The following UXS1 variants were observed in gnomAD, a reference collection of about 807,000 sequenced individuals.
The protein encoded by UXS1 is UDP-glucuronic acid decarboxylase 1.
A neutral mutation model predicts 62.6 loss-of-function variants in UXS1; 33 were observed. The ratio of observed to expected loss-of-function variants is 0.53; its 90% CI spans 0.40 to 0.70. UXS1 has a LOEUF of 0.70. Among genes scored for constraint, UXS1 ranks in the 30% least tolerant of loss-of-function variants. UXS1 has a pLI of 0.00. For missense variants in UXS1, 434 were observed against 556.3 expected, an observed-to-expected ratio of 0.78 and a Z score of 2.21; for synonymous variants, 213 against 206.8, an observed-to-expected ratio of 1.03 and a Z score of -0.26.
intron 2 of UXS1, 108 bp from the exon 3 acceptor site, chr2:106,164,907 G>T: frequency 1.3e-6 from 1 of 753,200 alleles, no homozygotes. Context: ...TCCTGCTCAA[G>T]TATCAGTCAT....
chr2:106,124,406 G>C (rs1298411203), intron 8 of UXS1, among the ~76,000 whole-genome samples: 1 of 152,234 alleles, frequency 6.6e-6, no homozygotes, highest in Non-Finnish European at 1.5e-5. Flanking sequence ...AACAGGGACA[G>C]CTTACATTGT....
At chr2:106,138,580 G>C (rs1245566371) in intron 6 of UXS1, 6 of 985,374 alleles carry the variant, frequency 6.1e-6, no homozygotes, top group East Asian at 2.3e-4. Flanking sequence ...TGGGAACAGG[G>C]CTCCACAAAA....
chr2:106,104,800 T>G lies in UXS1; in HGVS notation c.917A>C (p.Tyr306Ser). Reference sequence around the variant, plus strand: ...CAGGGCAGGACAGTCTTACCTGACGTACTGGAACGCCCTTGTCTGAGACCC... The same window carrying G: ...CAGGGCAGGACAGTCTTACCTGACGGACTGGAACGCCCTTGTCTGAGACCC... Reference protein sequence around the residue: ...GSGSQTRAFQYVSDLVNGLVA... With the variant: ...GSGSQTRAFQSVSDLVNGLVA... The change falls in exon 11 of 15, where the codon TAC becomes TCC. Residue 306 changes from tyrosine (Y) to serine (S), a missense_variant. By Grantham distance (144) the Tyr-to-Ser change is moderately radical. Around this residue, in one of 3 missense-constraint regions of UXS1, gnomAD observed 209 missense variants for 233.3 expected, o/e 0.90. Transcript: ENST00000283148. 6.2e-7 allele frequency: 1 copy of G among 1,614,008 alleles called. No individual in the cohort carries two copies. Among genetic ancestry groups the G allele is most frequent in the Non-Finnish European group, 8.5e-7 (1 of 1,179,882 alleles).
chr2:106,114,968 T>C (rs920917519), intron 9 of UXS1, among the ~76,000 whole-genome samples: 1 of 152,176 alleles, frequency 6.6e-6, no homozygotes, highest in African/African-American at 2.4e-5. Flanking sequence ...TGCCCATCTA[T>C]CCCTTTCTAG....
At position 106,095,703 on chromosome 2, in the gene UXS1, C is replaced by T. The variant is rs146441311; in HGVS notation, c.1146+1015G>A. On this transcript the variant is annotated intron_variant, in intron 14 of 14. Transcript: ENST00000283148. ...GAGGGGAGCCCGAATTTCAGTGGGG[C>T]ACATGAGGGTGGGCAAAGAGGGAAC... 7.2e-5 allele frequency among the ~76,000 whole-genome samples: 11 copies of T among 152,266 alleles called. No individual in the cohort carries two copies. The East Asian group carries it at 2.1e-3, about 29-fold the overall frequency.
intron 5 of UXS1, among the ~76,000 whole-genome samples, chr2:106,153,981 C>T (rs1682234838): frequency 6.6e-6 from 1 of 152,120 alleles, no homozygotes; most frequent in African/African-American, 2.4e-5. Flanking sequence ...TGGAACTAGG[C>T]TAAAGAATCA....
intron 11 of UXS1, 136 bp downstream of exon 11, chr2:106,104,657 TA>T: frequency 9.5e-7 from 1 of 1,054,344 alleles, no homozygotes; most frequent in Non-Finnish European, 1.3e-6. Flanking sequence ...ATCATAAAAT[TA>T]AAAATTTTTA....
chr2:106,191,111 C>A (rs1171239016), intron 1 of UXS1, among the ~76,000 whole-genome samples: 1 of 152,072 alleles, frequency 6.6e-6, no homozygotes, highest in Non-Finnish European at 1.5e-5. Context: ...AGGTGGTCAA[C>A]CCTAAGACAT....
At chr2:106,099,857 C>T (rs974931455) in intron 12 of UXS1, among the ~76,000 whole-genome samples, 9 of 152,192 alleles carry the variant, frequency 5.9e-5, no homozygotes, top group Non-Finnish European at 1.3e-4. Flanking sequence ...GCACACTGTA[C>T]CCATGAATCA....
At chr2:106,111,500 G>A (rs1278627758) in intron 10 of UXS1, among the ~76,000 whole-genome samples, 1 of 152,196 alleles carries the variant, frequency 6.6e-6, no homozygotes, top group African/African-American at 2.4e-5. Flanking sequence ...TGGTAGCGGA[G>A]CAGCCAACAC....
At chr2:106,172,070 C>T (rs1266388880) in intron 1 of UXS1, among the ~76,000 whole-genome samples, 6 of 152,232 alleles carry the variant, frequency 3.9e-5, no homozygotes, top group East Asian at 1.9e-4. Flanking sequence ...ACAAACTCAG[C>T]GCTTGCGGAT....
intron 9 of UXS1, among the ~76,000 whole-genome samples, chr2:106,113,637 C>G (rs560075729): frequency 6.6e-6 from 1 of 152,360 alleles, no homozygotes; most frequent in South Asian, 2.1e-4. Context: ...GTTTTTATCA[C>G]AAACTCTGAA....
Position 106,125,660 on chromosome 2 carries a change from A to G in UXS1, c.597T>C (p.Gly199=), listed in dbSNP as rs767490518. The change falls in exon 8 of 15, where the codon GGT becomes GGC. Residue 199 remains glycine, a synonymous_variant. Coordinates refer to ENST00000283148, the MANE Select transcript of UXS1 (RefSeq NM_001253875.2). Reference sequence around the variant, plus strand: ...ATGTGGAGGCCAGGAGCAGACGGGCACCGACTCGTTTTGCCAGCCCTACAG... The same window carrying G: ...ATGTGGAGGCCAGGAGCAGACGGGCGCCGACTCGTTTTGCCAGCCCTACAG... ...LNMLGLAKRV[G]ARLLLASTSE... The G allele has an allele frequency of 2.0e-5, 32 of 1,579,126 alleles. No homozygotes were observed. Among genetic ancestry groups the G allele is most frequent in the Non-Finnish European group, 8.6e-7 (1 of 1,162,222 alleles).
rs188921118 is a variant in UXS1, at chr2:106,157,885, T to C, written c.291+173A>G. ...CTACTAATGAGTACAGGACTCTTTT[T>C]TGGGGTGATGAAGAAACTGTGGAAT... On this transcript the variant is annotated intron_variant, in intron 5 of 14. Transcript: ENST00000283148. Among the ~76,000 whole-genome samples, 6 of 152,272 alleles carry C rather than the reference T, an allele frequency of 3.9e-5. No homozygotes were observed. In the East Asian group the frequency reaches 1.2e-3, roughly 29 times the overall value.
Position 106,164,791 on chromosome 2 carries a change from AG to A in UXS1, c.130del (p.Leu44SerfsTer11). The A allele has an allele frequency of 6.3e-7, 1 of 1,588,068 alleles. No individual in the cohort carries two copies. Among genetic ancestry groups the A allele is most frequent in the Non-Finnish European group, 8.6e-7 (1 of 1,167,068 alleles). On this transcript the variant is annotated frameshift_variant, in exon 3 of 15. Transcript: ENST00000283148. LOFTEE classifies it high-confidence loss of function. ...WGNFVNMSFL[L>X]NRSIQENGEL... is the part of the protein sequence containing the mutation. ...ACCATTTTCCTGGATAGACCTGTTGAGTAGAAAGCTATAAAACTGAGATCAA... is the reference window on the plus strand; with the variant it reads ...ACCATTTTCCTGGATAGACCTGTTGATAGAAAGCTATAAAACTGAGATCAA...
At chr2:106,172,331 T>A (rs1683617146) in intron 1 of UXS1, among the ~76,000 whole-genome samples, 1 of 152,154 alleles carries the variant, frequency 6.6e-6, no homozygotes, top group African/African-American at 2.4e-5. Flanking sequence ...CTTACCCCTT[T>A]ATTGAGACCT....
chr2:106,173,418 G>A (rs1573564896), intron 1 of UXS1, among the ~76,000 whole-genome samples: 1 of 152,174 alleles, frequency 6.6e-6, no homozygotes, highest in East Asian at 1.9e-4. Flanking sequence ...GCTGGGCATG[G>A]TGGCACACAC....
chr2:106,145,165 A>G, intron 6 of UXS1, 25 bp downstream of exon 6: 4 of 1,606,682 alleles, frequency 2.5e-6, no homozygotes, highest in African/African-American at 1.3e-5. Flanking sequence ...GCTCTGAATA[A>G]TAACAATGTG....
intron 1 of UXS1, among the ~76,000 whole-genome samples, chr2:106,193,156 G>C (rs1195269672): frequency 6.6e-6 from 1 of 151,992 alleles, no homozygotes; most frequent in African/African-American, 2.4e-5. Context: ...CCTTCCTAGA[G>C]CTCAACTGAA....
Sources: allele counts gnomAD v4.1 joint callset (sites outside exome capture counted in the v4.1 genomes callset), GRCh38; gene constraint gnomAD v4.1.1; regional missense constraint gnomAD v4.1.1; transcripts MANE v1.5; gene names NCBI Gene and HGNC (gene_info 2026-07-23, HGNC 2026-07-21).